MAPKBP1: variants seen among roughly 807,000 people sequenced by gnomAD.
MAPKBP1 encodes mitogen-activated protein kinase binding protein 1, also known as mitogen-activated protein kinase-binding protein 1.
A neutral mutation model predicts 170.5 loss-of-function variants in MAPKBP1; 71 were observed. That is an observed-to-expected ratio of 0.42 (90% CI 0.34 to 0.51). The LOEUF (loss-of-function observed/expected upper bound fraction) is 0.51. Among genes scored for constraint, MAPKBP1 ranks in the 20% least tolerant of loss-of-function variants. MAPKBP1 has a pLI of 0.06. For synonymous variants in MAPKBP1, 719 were observed against 757.9 expected (o/e 0.95, Z 0.84); for missense variants, 1,598 against 1,933.0 (o/e 0.83, Z 3.25).
At position 41,815,678 on chromosome 15, in the gene MAPKBP1, G is replaced by C. The variant is rs772940921; in HGVS notation, c.1372G>C (p.Glu458Gln). 5.0e-6 allele frequency: 8 copies of C among 1,613,994 alleles called. 1 individual carries two copies. The South Asian group carries it at 6.6e-5, about 13-fold the overall frequency. The change falls in exon 12 of 31, where the codon GAG becomes CAG. Residue 458 changes from glutamate (E) to glutamine (Q), a missense_variant. By Grantham distance (29) the Glu-to-Gln change is conservative (BLOSUM62 2). This residue lies in a region of MAPKBP1 where 430 missense variants were observed against 617.2 expected (regional missense o/e 0.70). Transcript: ENST00000457542. ...DGNTQALLDT[E>Q]LPGGDKADAS... ...GAACACCCAGGCCCTGCTGGACACA[G>C]AGCTGCCTGGAGGAGACAAAGCTGA... is the stretch of plus-strand genomic sequence containing the variant.
intron 3 of MAPKBP1, among the ~76,000 whole-genome samples, chr15:41,800,956 A>T (rs1567142468): frequency 6.6e-6 from 1 of 151,454 alleles, no homozygotes; most frequent in Non-Finnish European, 1.5e-5. Context: ...GCTAGTTTCG[A>T]ACTCCTGGGC....
intron 3 of MAPKBP1, among the ~76,000 whole-genome samples, chr15:41,802,483 C>CT (rs925786279): frequency 2.6e-5 from 4 of 151,862 alleles, no homozygotes; most frequent in Admixed American, 2.0e-4. Context: ...TTTCTTTTAT[C>CT]TTTTTTCCGA....
chr15:41,798,395 G>A (rs920810364), intron 2 of MAPKBP1, among the ~76,000 whole-genome samples: 5 of 151,528 alleles, frequency 3.3e-5, no homozygotes, highest in Non-Finnish European at 7.4e-5. Context: ...TGAATCTCAT[G>A]CCTCAGCCTC....
intron 2 of MAPKBP1, among the ~76,000 whole-genome samples, chr15:41,794,551 G>C (rs749026017): frequency 6.6e-6 from 1 of 152,052 alleles, no homozygotes; most frequent in Non-Finnish European, 1.5e-5. Flanking sequence ...GTCCTCGGTC[G>C]GTCATAGCCT....
At chr15:41,775,661 G>C (rs1039848850) in intron 2 of MAPKBP1, among the ~76,000 whole-genome samples, 1 of 152,214 alleles carries the variant, frequency 6.6e-6, no homozygotes, top group Non-Finnish European at 1.5e-5. Context: ...GCATGTGCTT[G>C]GGAAGCCAGT....
rs1262673301 is a variant in MAPKBP1 at position 41,778,128 on chromosome 15, A to G, written c.114+2739A>G. The stretch of plus-strand genomic sequence containing the variant: ...CGGGGTCATGCTCTTTATTTCCTTT[A>G]CATCACACCGTTTAGGACAGTGTAA... On this transcript the variant is annotated intron_variant, in intron 2 of 30. Coordinates refer to ENST00000457542, the MANE Select transcript of MAPKBP1 (RefSeq NM_014994.3). Among the ~76,000 whole-genome samples the G allele has an allele frequency of 4.6e-5, 7 of 152,302 alleles. No homozygotes were observed. The East Asian group carries it at 9.6e-4, about 21-fold the overall frequency.
rs146496507 is a variant in MAPKBP1, at chr15:41,819,280, G to C, written c.2326G>C (p.Ala776Pro). The C allele has an allele frequency of 4.3e-6, 7 of 1,614,118 alleles. No individual in the cohort carries two copies. The highest frequency in any genetic ancestry group is 3.4e-6 in the Non-Finnish European group (4 of 1,180,022). Reference protein sequence around the residue: ...QAPSMLSPGPALSSDSDKEGE... With the variant: ...QAPSMLSPGPPLSSDSDKEGE... Reference sequence around the variant, plus strand: ...CCCATCAATGCTGTCTCCTGGACCGGCTCTCTCATCAGACAGTGACAAGGA... The same window carrying C: ...CCCATCAATGCTGTCTCCTGGACCGCCTCTCTCATCAGACAGTGACAAGGA... The change falls in exon 21 of 31, where the codon GCT (alanine) becomes CCT (proline). Residue 776 changes from alanine (A) to proline (P), a missense_variant. By Grantham distance (27) the Ala-to-Pro change is conservative. Coordinates refer to ENST00000457542, the MANE Select transcript of MAPKBP1 (RefSeq NM_014994.3).
In MAPKBP1 at chr15:41,816,975, T is replaced by C; in HGVS notation, c.1651T>C (p.Tyr551His). 6.2e-7 allele frequency: 1 copy of C among 1,611,362 alleles called. No individual in the cohort carries two copies. Among genetic ancestry groups the C allele is most frequent in the Admixed American group, 1.7e-5 (1 of 59,798 alleles). Residue 551 changes from tyrosine (Y) to histidine (H), a missense_variant, in exon 14 of 31, where the codon TAC (tyrosine) becomes CAC (histidine). Transcript: ENST00000457542. Reference protein sequence around the residue: ...LIHVLDAGREYSLQQTLDEHS... With the variant: ...LIHVLDAGREHSLQQTLDEHS... ...CCATGTGCTGGATGCCGGGCGGGAG[T>C]ACAGCCTACAGCAGACGCTGGACGA... is the stretch of plus-strand genomic sequence containing the variant.
Position 41,803,434 on chromosome 15 carries a change from A to AAAG in MAPKBP1, c.206+3521_206+3522insAGA, listed in dbSNP as rs58804270. Among the ~76,000 whole-genome samples the AAAG allele has an allele frequency of 4.2e-4, 38 of 90,776 alleles. 3 individuals carry two copies. The highest frequency in any genetic ancestry group is 1.2e-3 in the African/African-American group (27 of 23,104). The allele number at this position is 90,776 out of a possible 152,430, so 59.6% of individuals were successfully genotyped here. ...ATCTCAAAAAAAAAAAAAAAAAAAA[A>AAAG]AGGTTAAGCAGGCAGGGTGCAGTGG... On this transcript the variant is annotated intron_variant, in intron 3 of 30. Coordinates refer to ENST00000457542, the MANE Select transcript of MAPKBP1 (RefSeq NM_014994.3).
At chr15:41,806,184 C>A (rs1393457877) in intron 3 of MAPKBP1, among the ~76,000 whole-genome samples, 3 of 152,182 alleles carry the variant, frequency 2.0e-5, no homozygotes, top group Non-Finnish European at 4.4e-5. Context: ...TGGATCCCCA[C>A]CCCCAGTGTA....
chr15:41,788,547 G>T (rs1034210402), intron 2 of MAPKBP1, among the ~76,000 whole-genome samples: 1 of 152,154 alleles, frequency 6.6e-6, no homozygotes, highest in African/African-American at 2.4e-5. Flanking sequence ...AAGAATCAGA[G>T]GGGATGTGAC....
intron 2 of MAPKBP1, among the ~76,000 whole-genome samples, chr15:41,781,288 C>T (rs2064182788): frequency 6.6e-6 from 1 of 151,970 alleles, no homozygotes; most frequent in African/African-American, 2.4e-5. Flanking sequence ...GTTGGCCAGG[C>T]TGGTCTCGAA....
chr15:41,789,704 A>G (rs1004005734), intron 2 of MAPKBP1, among the ~76,000 whole-genome samples: 2 of 152,216 alleles, frequency 1.3e-5, no homozygotes, highest in African/African-American at 4.8e-5. Flanking sequence ...TCTTGGAACC[A>G]TCTCAGTGAG....
chr15:41,787,610 C>T (rs994748100), intron 2 of MAPKBP1, among the ~76,000 whole-genome samples: 14 of 152,156 alleles, frequency 9.2e-5, no homozygotes, highest in African/African-American at 3.4e-4. Context: ...TTGTGATCCA[C>T]CCACCTCAGC....
rs765001009 is a variant in MAPKBP1, at chr15:41,824,059, C to T, written c.4211C>T (p.Ser1404Leu). ...TKPGAALSQDSEPAVSLEQCE... is the reference protein window; with the variant it reads ...TKPGAALSQDLEPAVSLEQCE... ...CCAGGGGCAGCCCTGAGCCAGGACT[C>T]AGGTGTGCACAGCTCCCCAGCTCTC... The change falls in exon 29 of 31, where the codon TCA (serine) becomes TTA (leucine). Residue 1404 changes from serine to leucine, a missense_variant and splice_region_variant. By Grantham distance (145) the Ser-to-Leu change is moderately radical. Coordinates refer to ENST00000457542, the MANE Select transcript of MAPKBP1 (RefSeq NM_014994.3). 6.3e-7 allele frequency: 1 copy of T among 1,594,612 alleles called. No individual in the cohort carries two copies. The highest frequency in any genetic ancestry group is 1.3e-5 in the African/African-American group (1 of 74,814).
chr15:41,814,654 T>G lies in MAPKBP1; in HGVS notation c.1085T>G (p.Ile362Ser). The G allele has an allele frequency of 6.2e-7, 1 of 1,614,180 alleles. No homozygotes were observed. The highest frequency in any genetic ancestry group is 8.5e-7 in the Non-Finnish European group (1 of 1,180,028). ...WLSCVYNDHSIYVWDVRDPKK... is the reference protein window; with the variant it reads ...WLSCVYNDHSSYVWDVRDPKK... The stretch of plus-strand genomic sequence containing the variant: ...TCTTGTGTGTACAACGATCATAGCA[T>G]TTATGTTTGGGATGTGAGGGACCCC... Residue 362 changes from isoleucine (I) to serine (S), a missense_variant, in exon 10 of 31, where the codon ATT (isoleucine) becomes AGT (serine). By Grantham distance (142) the Ile-to-Ser change is moderately radical (BLOSUM62 -2). Coordinates refer to ENST00000457542, the MANE Select transcript of MAPKBP1 (RefSeq NM_014994.3).
At position 41,827,072 on chromosome 15, in the gene MAPKBP1, G is replaced by A. The variant is rs1211829590; in HGVS notation, c.*1636G>A. The A allele has an allele frequency of 3.3e-5, 5 of 152,156 alleles. No homozygotes were observed. Among genetic ancestry groups the A allele is most frequent in the African/African-American group, 1.2e-4 (5 of 41,396 alleles). 9.4% of individuals were successfully genotyped at this position (152,156 alleles called of 1,614,324 possible). A position where few individuals can be genotyped will look rare whatever the true frequency, so the allele number is the denominator to read the frequency against. On this transcript the variant is annotated 3_prime_UTR_variant, in exon 31 of 31. Transcript: ENST00000457542. ...GCACTTTGGGAGGCCGAGGCGGGTG[G>A]ATCACCTGAGGTTAGGAGTTCGAGA...
chr15:41,816,141 C>A, intron 12 of MAPKBP1: 1 of 340,694 alleles, frequency 2.9e-6, no homozygotes, highest in Non-Finnish European at 5.4e-6. Context: ...AGTAACTGAT[C>A]AATACTCTTC....
chr15:41,799,212 C>T (rs1165419398), intron 2 of MAPKBP1, among the ~76,000 whole-genome samples: 3 of 152,094 alleles, frequency 2.0e-5, no homozygotes, highest in African/African-American at 7.2e-5. Context: ...GTACCCTGAG[C>T]ATCGGTGCTT....
Sources: gnomAD v4.1 joint callset for allele counts (sites outside exome capture counted in the v4.1 genomes callset) on GRCh38, gnomAD v4.1.1 for gene constraint, gnomAD v4.1.1 regional missense constraint, MANE v1.5 for transcripts, NCBI Gene and HGNC (gene_info 2026-07-23, HGNC 2026-07-21) for gene names.